PCDHA6: variants seen among roughly 807,000 people sequenced by gnomAD.
The protein encoded by PCDHA6 is protocadherin alpha 6.
In PCDHA6, 55 loss-of-function variants were observed where a neutral mutation model predicts 60.3. The ratio of observed to expected loss-of-function variants is 0.91; its 90% CI spans 0.73 to 1.14. The LOEUF is 1.14. Among genes scored for constraint, PCDHA6 ranks in the 50% most tolerant of loss-of-function variants. PCDHA6 has a pLI of 0.00. For synonymous variants in PCDHA6, 652 were observed against 557.9 expected (o/e 1.17, Z -2.38); for missense variants, 1,327 against 1,256.5 (o/e 1.06, Z -0.85).
chr5:140,858,651 T>A, intron 1 of PCDHA6: 1 of 830,780 alleles, frequency 1.2e-6, no homozygotes, highest in Non-Finnish European at 1.8e-6. Context: ...GTACTTAAAT[T>A]TTTTTAAATA....
At chr5:140,960,715 CTTATTTTAGTCCA>C (rs60915889) in intron 1 of PCDHA6, among the ~76,000 whole-genome samples, 85,456 of 151,802 alleles carry the variant, frequency 0.56, 24,653 homozygotes, top group African/African-American at 0.69. Flanking sequence ...AAATACTCAT[CTTATTTTAGTCCA>C]TGATTTTAGT....
intron 1 of PCDHA6, among the ~76,000 whole-genome samples, chr5:140,937,093 A>G (rs1466127180): frequency 6.8e-6 from 1 of 146,414 alleles, no homozygotes; most frequent in African/African-American, 2.6e-5. Context: ...GCTGGAGTGC[A>G]GTGGCGCAGT....
chr5:140,932,398 T>TA (rs1472151465), intron 1 of PCDHA6, among the ~76,000 whole-genome samples: 1 of 151,960 alleles, frequency 6.6e-6, no homozygotes, highest in Non-Finnish European at 1.5e-5. Flanking sequence ...AGTTTCAACA[T>TA]ACCAATGTTA....
intron 1 of PCDHA6, among the ~76,000 whole-genome samples, chr5:140,895,618 T>C (rs569188891): frequency 1.1e-4 from 16 of 152,206 alleles, no homozygotes; most frequent in African/African-American, 3.9e-4. Context: ...TCATTGAGGG[T>C]GTTGTCTTTT....
Position 140,851,168 on chromosome 5 carries a change from A to G in PCDHA6, c.2394+20683A>G, listed in dbSNP as rs899165006. 39 of 1,280,680 alleles carry G rather than the reference A, an allele frequency of 3.0e-5. 2 individuals are homozygous for G. Among genetic ancestry groups the G allele is most frequent in the Admixed American group, 1.3e-4 (4 of 31,186 alleles). The allele number at this position is 1,280,680 out of a possible 1,614,324, so 79.3% of individuals were successfully genotyped here. On this transcript the variant is annotated intron_variant, in intron 1 of 3. Transcript: ENST00000529310. ...ATTGAATTTCTGATGCTATGCTGCC[A>G]TAACACTTGAAAACCAATTTAGTTG...
chr5:140,954,120 C>G (rs246026), intron 1 of PCDHA6, among the ~76,000 whole-genome samples: 85,718 of 152,076 alleles, frequency 0.56, 24,786 homozygotes, highest in African/African-American at 0.69. Flanking sequence ...GATCTTGTTC[C>G]TTTTTATGGA....
intron 1 of PCDHA6, chr5:140,856,941 C>G: frequency 6.3e-7 from 1 of 1,592,588 alleles, no homozygotes; most frequent in Non-Finnish European, 8.6e-7. Context: ...AACGAAAGGA[C>G]GGGAGAAATA....
intron 1 of PCDHA6, among the ~76,000 whole-genome samples, chr5:140,833,428 T>C (rs1554133831): frequency 1.3e-5 from 2 of 152,196 alleles, no homozygotes; most frequent in African/African-American, 4.8e-5. Context: ...GTGAGATGGC[T>C]GAGCACTGAA....
chr5:140,871,072 G>T, intron 1 of PCDHA6: 1 of 1,613,238 alleles, frequency 6.2e-7, no homozygotes, highest in South Asian at 1.1e-5. Context: ...CGGTGAGCCG[G>T]CGCTGACGGC....
At chr5:140,844,413 A>G (rs1581068328) in intron 1 of PCDHA6, among the ~76,000 whole-genome samples, 1 of 149,462 alleles carries the variant, frequency 6.7e-6, no homozygotes, top group East Asian at 1.9e-4. Flanking sequence ...ATTTGGAGAC[A>G]TGTTTTTTAT....
At chr5:140,855,799 A>C (rs1356663466) in intron 1 of PCDHA6, 4 of 472,784 alleles carry the variant, frequency 8.5e-6, no homozygotes, top group Non-Finnish European at 1.5e-5. Context: ...TTAACATATG[A>C]ATGAAAGAAA....
chr5:140,872,477 A>G (rs968507113), intron 1 of PCDHA6, among the ~76,000 whole-genome samples: 3 of 152,118 alleles, frequency 2.0e-5, no homozygotes, highest in African/African-American at 7.2e-5. Flanking sequence ...AAATTAAAAA[A>G]TTAGCCAGAC....
At chr5:140,838,615 T>G (rs1554137122) in intron 1 of PCDHA6, among the ~76,000 whole-genome samples, 2 of 152,036 alleles carry the variant, frequency 1.3e-5, no homozygotes, top group African/African-American at 4.8e-5. Flanking sequence ...TTTTAAAAAT[T>G]TTTTACAAAT....
chr5:140,957,954 T>G (rs2095401085), intron 1 of PCDHA6, among the ~76,000 whole-genome samples: 2 of 152,138 alleles, frequency 1.3e-5, no homozygotes, highest in Admixed American at 1.3e-4. Context: ...TTAAGACTAT[T>G]AATTCAGAGA....
chr5:140,892,069 A>G (rs1554185062), intron 1 of PCDHA6, among the ~76,000 whole-genome samples: 3 of 152,208 alleles, frequency 2.0e-5, no homozygotes, highest in Non-Finnish European at 2.9e-5. Flanking sequence ...GTTACTTTGT[A>G]TAATTTCTAG....
At chr5:140,837,881 G>A (rs1360398902) in intron 1 of PCDHA6, among the ~76,000 whole-genome samples, 1 of 151,490 alleles carries the variant, frequency 6.6e-6, no homozygotes, top group Admixed American at 6.6e-5. Context: ...GTGGAGTCTT[G>A]TTTCCCAGGC....
At chr5:140,845,060 C>A in intron 1 of PCDHA6, among the ~76,000 whole-genome samples, 1 of 149,380 alleles carries the variant, frequency 6.7e-6, no homozygotes, top group Non-Finnish European at 1.5e-5. Flanking sequence ...TGAAGGTAAC[C>A]TCAAAGCAGC....
At chr5:140,866,092 G>C (rs1167702930) in intron 1 of PCDHA6, 1 of 152,100 alleles carries the variant, frequency 6.6e-6, no homozygotes, top group Non-Finnish European at 1.5e-5. Context: ...TTATGTAATT[G>C]TTAAGTAATT....
intron 2 of PCDHA6, among the ~76,000 whole-genome samples, chr5:140,981,266 A>C (rs1355658823): frequency 6.6e-6 from 1 of 152,166 alleles, no homozygotes; most frequent in Non-Finnish European, 1.5e-5. Context: ...AAGATAAGCA[A>C]ATGTCTAGTT....
Sources: allele counts gnomAD v4.1 joint callset (sites outside exome capture counted in the v4.1 genomes callset), GRCh38; gene constraint gnomAD v4.1.1; transcripts MANE v1.5; gene names NCBI Gene and HGNC (gene_info 2026-07-23, HGNC 2026-07-21).